The following NRDC variants were observed in gnomAD, a reference collection of about 807,000 sequenced individuals.
NRDC encodes the protein nardilysin.
Under a neutral mutation model 147.1 loss-of-function variants are expected in NRDC, and 54 were observed. The ratio of observed to expected loss-of-function variants is 0.37; its 90% CI spans 0.29 to 0.46. The LOEUF (loss-of-function observed/expected upper bound fraction) is 0.46, where lower values mean the gene tolerates loss of function less well. Among genes scored for constraint, NRDC ranks in the 20% least tolerant of loss-of-function variants. The pLI, the probability that NRDC is intolerant of heterozygous loss-of-function variation, is 1.00. For synonymous variants in NRDC, 440 were observed against 482.1 expected (o/e 0.91, Z 1.14); for missense variants, 1,082 against 1,370.6 (o/e 0.79, Z 3.33).
intron 22 of NRDC, among the ~76,000 whole-genome samples, chr1:51,796,428 C>G (rs367667631): frequency 4.6e-5 from 7 of 151,642 alleles, no homozygotes; most frequent in Admixed American, 6.6e-5. Context: ...TTAATAGAGA[C>G]AGGTTTTCAC....
rs1440577843 is a variant in NRDC at position 51,819,729 on chromosome 1, G to A, written c.1291+71C>T. The stretch of plus-strand genomic sequence containing the variant: ...GTGTTCTCATTTTCAATGAAAATTG[G>A]CAGCTTCAATTAGGTTATAGAGAAT... On this transcript the variant is annotated intron_variant, in intron 9 of 30. Coordinates refer to ENST00000352171, the MANE Select transcript of NRDC (RefSeq NM_001101662.2). 5.9e-6 allele frequency: 7 copies of A among 1,195,000 alleles called. No individual in the cohort carries two copies. The East Asian group carries it at 1.8e-4, about 30-fold the overall frequency. 74.0% of individuals were successfully genotyped at this position (1,195,000 alleles called of 1,614,324 possible). A position where few individuals can be genotyped will look rare whatever the true frequency, so the allele number is the denominator to read the frequency against.
intron 2 of NRDC, chr1:51,837,337 G>T: frequency 1.6e-6 from 1 of 631,044 alleles, no homozygotes; most frequent in Non-Finnish European, 2.4e-6. Context: ...GAAAATGAGT[G>T]TGTTTTCAGA....
rs1239673948 is a variant in NRDC, at chr1:51,791,001, A to ACAT, written c.2961-14_2961-12dup. On this transcript the variant is annotated splice_polypyrimidine_tract_variant and intron_variant, in intron 27 of 30. Coordinates refer to ENST00000352171, the MANE Select transcript of NRDC (RefSeq NM_001101662.2). ...TCAACAACTTCAGAACTGAAACAAA[A>ACAT]CATCTTCAATCAGAACTAAAACAAA... 6.3e-7 allele frequency: 1 copy of ACAT among 1,584,334 alleles called. No homozygotes were observed. The highest frequency in any genetic ancestry group is 2.2e-5 in the East Asian group (1 of 44,708).
At chr1:51,792,333 G>A in intron 25 of NRDC, 44 bp downstream of exon 25, 1 of 1,600,244 alleles carries the variant, frequency 6.2e-7, no homozygotes, top group Non-Finnish European at 8.6e-7. Flanking sequence ...CTCATAGTGG[G>A]TCAGGGGCTG....
intron 19 of NRDC, 112 bp from the exon 20 acceptor site, chr1:51,804,076 A>C: frequency 1.1e-6 from 1 of 898,432 alleles, no homozygotes; most frequent in Non-Finnish European, 1.6e-6. Context: ...TAAATTCTCT[A>C]CTCCAGAATG....
At position 51,862,964 on chromosome 1, in the gene NRDC, C is replaced by A. The variant is rs116421646; in HGVS notation, c.341+15311G>T. On this transcript the variant is annotated intron_variant, in intron 1 of 30. Coordinates refer to ENST00000352171, the MANE Select transcript of NRDC (RefSeq NM_001101662.2). ...GGCAGAGTTTGCAGCGAGCTGAAAT[C>A]AGGCCACTGCACACTAGCCTGGATG... is the stretch of plus-strand genomic sequence containing the variant. Among the ~76,000 whole-genome samples the A allele has an allele frequency of 7.1e-3, 862 of 120,798 alleles. 8 individuals are homozygous for A. The highest frequency in any genetic ancestry group is 0.026 in the African/African-American group (825 of 31,626). 79.2% of individuals were successfully genotyped at this position (120,798 alleles called of 152,430 possible).
At chr1:51,835,780 C>T (rs2149219270) in intron 3 of NRDC, among the ~76,000 whole-genome samples, 1 of 152,292 alleles carries the variant, frequency 6.6e-6, no homozygotes, top group Middle Eastern at 3.4e-3. Context: ...TCCTGTATTT[C>T]TGATGTTTGG....
At chr1:51,849,114 C>T (rs1681804168) in intron 1 of NRDC, among the ~76,000 whole-genome samples, 1 of 152,138 alleles carries the variant, frequency 6.6e-6, no homozygotes, top group Admixed American at 6.5e-5. Flanking sequence ...GGGCCGGATG[C>T]GGTGGCTCAC....
intron 1 of NRDC, among the ~76,000 whole-genome samples, chr1:51,853,786 C>G (rs1056812243): frequency 6.6e-6 from 1 of 152,208 alleles, no homozygotes; most frequent in Non-Finnish European, 1.5e-5. Flanking sequence ...GAGGTAGAAA[C>G]TCATCTAAAA....
chr1:51,841,651 T>C (rs1187005175), intron 1 of NRDC, among the ~76,000 whole-genome samples: 1 of 152,228 alleles, frequency 6.6e-6, no homozygotes, highest in African/African-American at 2.4e-5. Flanking sequence ...TAAACATTTA[T>C]TTAGCACCCT....
At position 51,790,666 on chromosome 1, in the gene NRDC, G is replaced by C. The variant is rs1034722342; in HGVS notation, c.3052-17C>G. 6.4e-7 allele frequency: 1 copy of C among 1,564,350 alleles called. No individual in the cohort carries two copies. The highest frequency in any genetic ancestry group is 1.4e-5 in the African/African-American group (1 of 73,882). ...AGCTGTGACCTGTTCCCACCAAAAA[G>C]AAAGATGCTCAGGTGAGGCAACATA... On this transcript the variant is annotated splice_polypyrimidine_tract_variant and intron_variant, in intron 28 of 30. Coordinates refer to ENST00000352171, the MANE Select transcript of NRDC (RefSeq NM_001101662.2).
intron 2 of NRDC, chr1:51,837,424 G>A (rs1437723729): frequency 1.4e-6 from 2 of 1,381,834 alleles, no homozygotes; most frequent in Non-Finnish European, 1.9e-6. Context: ...AAAACATTGG[G>A]GAATATCCAG....
chr1:51,813,937 AT>A, intron 14 of NRDC, 97 bp downstream of exon 14: 1 of 825,838 alleles, frequency 1.2e-6, no homozygotes, highest in East Asian at 2.5e-5. Context: ...GAATGACAGA[AT>A]TAAAACTCCA....
intron 1 of NRDC, among the ~76,000 whole-genome samples, chr1:51,873,169 C>CA (rs111616092): frequency 8.2e-5 from 12 of 147,186 alleles, no homozygotes; most frequent in African/African-American, 1.5e-4. Context: ...CCATCCAATA[C>CA]AAAAAAAAAA....
rs2842575 is a variant in NRDC at position 51,853,241 on chromosome 1, T to A, written c.342-12727A>T. 8.1e-3 allele frequency among the ~76,000 whole-genome samples: 1,219 copies of A among 150,112 alleles called. 19 individuals are homozygous for A. Among genetic ancestry groups the A allele is most frequent in the African/African-American group, 0.028 (1,147 of 40,860 alleles). Reference sequence around the variant, plus strand: ...CAAAAAAAAATATATATATATATATTATATAAAAGAATTCCTTTATTTTGG... The same window carrying A: ...CAAAAAAAAATATATATATATATATAATATAAAAGAATTCCTTTATTTTGG... On this transcript the variant is annotated intron_variant, in intron 1 of 30. Transcript: ENST00000352171.
intron 22 of NRDC, among the ~76,000 whole-genome samples, chr1:51,796,928 C>T (rs571674205): frequency 2.2e-4 from 32 of 147,918 alleles, no homozygotes; most frequent in Admixed American, 4.7e-4. Flanking sequence ...GGGCCAGGCA[C>T]GGTGGCTCAC....
At chr1:51,789,520 C>T (rs951992627) in intron 30 of NRDC, 48 bp downstream of exon 30, 1 of 1,587,586 alleles carries the variant, frequency 6.3e-7, no homozygotes, top group African/African-American at 1.3e-5. Context: ...CAAACTCACT[C>T]AGTAAATGAC....
intron 1 of NRDC, among the ~76,000 whole-genome samples, chr1:51,871,222 C>A (rs1470507079): frequency 6.6e-6 from 1 of 152,102 alleles, no homozygotes; most frequent in Non-Finnish European, 1.5e-5. Context: ...GAGGCTGAGG[C>A]ACGAGAATTG....
At chr1:51,874,810 T>C (rs1480509001) in intron 1 of NRDC, among the ~76,000 whole-genome samples, 1 of 152,174 alleles carries the variant, frequency 6.6e-6, no homozygotes, top group Non-Finnish European at 1.5e-5. Context: ...GTCCTGGAAA[T>C]ATGCCCAACA....
Sources: allele counts gnomAD v4.1 joint callset (sites outside exome capture counted in the v4.1 genomes callset), GRCh38; gene constraint gnomAD v4.1.1; transcripts MANE v1.5; gene names NCBI Gene and HGNC (gene_info 2026-07-23, HGNC 2026-07-21).